The following BCO2 variants were observed in gnomAD, a reference collection of about 807,000 sequenced individuals.
The protein encoded by BCO2 is carotenoid-cleaving dioxygenase, mitochondrial.
BCO2 carries 56 observed loss-of-function variants against 65.8 expected under a neutral mutation model. That is an observed-to-expected ratio of 0.85 (90% CI 0.69 to 1.06). The LOEUF (loss-of-function observed/expected upper bound fraction) is 1.06, where lower values mean the gene tolerates loss of function less well. Ranked by LOEUF, BCO2 falls within the 50% of genes least tolerant of loss-of-function variation. BCO2 has a pLI of 0.00. For synonymous variants in BCO2, 233 were observed against 242.3 expected, an observed-to-expected ratio of 0.96 and a Z score of 0.36; for missense variants, 675 against 698.5, an observed-to-expected ratio of 0.97 and a Z score of 0.38.
chr11:112,180,634 G>A (rs1273445099), intron 2 of BCO2: 9 of 664,768 alleles, frequency 1.4e-5, no homozygotes, highest in Non-Finnish European at 1.4e-5. Context: ...TGTGTGTGGT[G>A]TGTCCCCAAG....
chr11:112,189,267 C>A (rs1392345007), intron 2 of BCO2, among the ~76,000 whole-genome samples: 1 of 151,996 alleles, frequency 6.6e-6, no homozygotes, highest in East Asian at 1.9e-4. Flanking sequence ...GGCAGGATAA[C>A]CTCAGCACTT....
chr11:112,188,643 C>A (rs1353086445), intron 2 of BCO2, among the ~76,000 whole-genome samples: 1 of 152,178 alleles, frequency 6.6e-6, no homozygotes, highest in Non-Finnish European at 1.5e-5. Flanking sequence ...CTGCCCTTGT[C>A]CTCTCTGCAA....
chr11:112,186,641 C>A (rs1867208920), intron 2 of BCO2, among the ~76,000 whole-genome samples: 1 of 152,144 alleles, frequency 6.6e-6, no homozygotes, highest in Non-Finnish European at 1.5e-5. Flanking sequence ...TGCCAAAGGT[C>A]TATCTTCAAT....
In BCO2 at chr11:112,217,701, G is replaced by A. The variant is rs1406541188; in HGVS notation, c.1627-60G>A. 11 of 1,249,188 alleles carry A rather than the reference G, an allele frequency of 8.8e-6. No individual in the cohort carries two copies. In the East Asian group the frequency reaches 2.4e-4, roughly 27 times the overall value. The allele number at this position is 1,249,188 out of a possible 1,614,324, so 77.4% of individuals were successfully genotyped here. A position where few individuals can be genotyped will look rare whatever the true frequency, so the allele number is the denominator to read the frequency against. On this transcript the variant is annotated intron_variant, in intron 11 of 11. Coordinates refer to ENST00000357685, the MANE Select transcript of BCO2 (RefSeq NM_031938.7). The stretch of plus-strand genomic sequence containing the variant: ...TTAGGAATTTTACAGCTTAGTGGAG[G>A]AGACAGGCAAATTTTTGATGAAAAA...
chr11:112,188,427 G>C (rs1368730598), intron 2 of BCO2, among the ~76,000 whole-genome samples: 1 of 152,014 alleles, frequency 6.6e-6, no homozygotes, highest in Non-Finnish European at 1.5e-5. Context: ...TTGTATTCCA[G>C]GATGCCGGTC....
chr11:112,182,992 A>G, intron 2 of BCO2: 2 of 1,072,032 alleles, frequency 1.9e-6, no homozygotes, highest in South Asian at 1.2e-5. Context: ...ACAGGAATTA[A>G]CCTGAGGGTG....
intron 8 of BCO2, among the ~76,000 whole-genome samples, chr11:112,213,356 T>C (rs967493176): frequency 1.4e-4 from 22 of 152,124 alleles, no homozygotes; most frequent in Admixed American, 3.9e-4. Context: ...TTGGTCAGGC[T>C]GGTCTTGAAC....
At chr11:112,194,534 A>G in intron 4 of BCO2, 119 bp from the exon 5 acceptor site, 1 of 657,144 alleles carries the variant, frequency 1.5e-6, no homozygotes, top group South Asian at 1.9e-5. Context: ...GAGGCAAGAA[A>G]TTAGGGCTTA....
intron 2 of BCO2, among the ~76,000 whole-genome samples, chr11:112,188,635 G>A (rs531258720): frequency 1.3e-5 from 2 of 152,044 alleles, no homozygotes; most frequent in South Asian, 4.2e-4. Context: ...CATCATCTCT[G>A]CCCTTGTCCT....
At chr11:112,203,697 T>A (rs530821551) in intron 8 of BCO2, among the ~76,000 whole-genome samples, 2 of 152,338 alleles carry the variant, frequency 1.3e-5, no homozygotes, top group South Asian at 2.1e-4. Flanking sequence ...TCTAGACTTG[T>A]TCATACTACA....
intron 5 of BCO2, among the ~76,000 whole-genome samples, chr11:112,195,161 G>T (rs1867534198): frequency 1.4e-5 from 2 of 148,124 alleles, no homozygotes; most frequent in Non-Finnish European, 1.5e-5. Flanking sequence ...TTTTGAGATG[G>T]AGTCTTGCTC....
intron 2 of BCO2, among the ~76,000 whole-genome samples, chr11:112,187,642 C>G (rs1867237393): frequency 1.3e-5 from 2 of 152,042 alleles, no homozygotes; most frequent in Admixed American, 6.6e-5. Flanking sequence ...TTCAGCTTCC[C>G]TCTTCCCACC....
Position 112,184,291 on chromosome 11 carries a change from C to T in BCO2, c.293+4809C>T, listed in dbSNP as rs1255196836. On this transcript the variant is annotated intron_variant, in intron 2 of 11. Transcript: ENST00000357685. ...TTTTTGAGACAGAGTCTCGCTGTGT[C>T]GCCCAGGCTGGAGTGCAGTGGTGCA... 2.7e-5 allele frequency among the ~76,000 whole-genome samples: 4 copies of T among 148,066 alleles called. No individual in the cohort carries two copies. In the East Asian group the frequency reaches 6.0e-4, roughly 22 times the overall value.
chr11:112,194,584 A>G (rs1460259247), intron 4 of BCO2, 69 bp from the exon 5 acceptor site: 2 of 904,482 alleles, frequency 2.2e-6, no homozygotes, highest in African/African-American at 1.7e-5. Flanking sequence ...AACATTAGAT[A>G]TTTCTACTAT....
intron 2 of BCO2, among the ~76,000 whole-genome samples, chr11:112,185,177 T>C (rs1489924519): frequency 1.3e-5 from 2 of 152,252 alleles, no homozygotes; most frequent in Non-Finnish European, 2.9e-5. Flanking sequence ...TCAGGAATTA[T>C]AGAAGGTATT....
intron 5 of BCO2, among the ~76,000 whole-genome samples, chr11:112,198,476 A>C (rs954368027): frequency 2.0e-5 from 3 of 152,102 alleles, no homozygotes; most frequent in African/African-American, 7.2e-5. Flanking sequence ...GTTGCAGAAT[A>C]AATAAATAAA....
intron 8 of BCO2, among the ~76,000 whole-genome samples, chr11:112,211,267 A>G (rs1411901034): frequency 1.3e-5 from 2 of 151,574 alleles, no homozygotes; most frequent in African/African-American, 4.9e-5. Context: ...TCTATGTTGT[A>G]GCATGTATCA....
intron 2 of BCO2, among the ~76,000 whole-genome samples, chr11:112,186,030 G>C (rs975609582): frequency 6.6e-6 from 1 of 152,068 alleles, no homozygotes; most frequent in African/African-American, 2.4e-5. Flanking sequence ...GTCCTTCTGT[G>C]CCTCTCATGG....
At chr11:112,213,174 A>T in intron 8 of BCO2, among the ~76,000 whole-genome samples, 3 of 65,846 alleles carry the variant, frequency 4.6e-5, no homozygotes, top group African/African-American at 1.3e-4. Context: ...ACGGAGTTTC[A>T]CTCTTGTTGC....
Sources: allele counts gnomAD v4.1 joint callset (sites outside exome capture counted in the v4.1 genomes callset), GRCh38; gene constraint gnomAD v4.1.1; transcripts MANE v1.5; gene names NCBI Gene and HGNC (gene_info 2026-07-23, HGNC 2026-07-21).